CCBE1: variants seen among roughly 807,000 people sequenced by gnomAD.
The protein encoded by CCBE1 is collagen and calcium-binding EGF domain-containing protein 1.
A neutral mutation model predicts 50.0 loss-of-function variants in CCBE1; 37 were observed. The ratio of observed to expected loss-of-function variants is 0.74; its 90% confidence interval spans 0.57 to 0.97. The LOEUF (loss-of-function observed/expected upper bound fraction) is 0.97, where lower values mean the gene tolerates loss of function less well. CCBE1 is among the 50% of genes least tolerant of loss of function. The pLI, the probability that CCBE1 is intolerant of heterozygous loss-of-function variation, is 0.00. For missense variants in CCBE1, 538 were observed against 523.8 expected, an observed-to-expected ratio of 1.03 and a Z score of -0.26; for synonymous variants, 234 against 203.7, an observed-to-expected ratio of 1.15 and a Z score of -1.27.
In CCBE1 at chr18:59,433,221, C is replaced by T. The variant is rs1910003722; in HGVS notation, c.*2687G>A. 1 of 151,964 alleles carries T rather than the reference C, an allele frequency of 6.6e-6. No homozygotes were observed. The highest frequency in any genetic ancestry group is 2.1e-4 in the South Asian group (1 of 4,810). The allele number at this position is 151,964 out of a possible 1,614,324, so 9.4% of individuals were successfully genotyped here. A position where few individuals can be genotyped will look rare whatever the true frequency, so the allele number is the denominator to read the frequency against. On this transcript the variant is annotated 3_prime_UTR_variant, in exon 11 of 11. Coordinates refer to ENST00000439986, the MANE Select transcript of CCBE1 (RefSeq NM_133459.4). ...TATTCGAAAAGAGGCAGACTGGTTC[C>T]TGGGGTTACTGCCCTTCTAGGGGAA...
chr18:59,458,558 G>A (rs1174439228), intron 5 of CCBE1, among the ~76,000 whole-genome samples: 1 of 152,208 alleles, frequency 6.6e-6, no homozygotes, highest in African/African-American at 2.4e-5. Context: ...ATGTTAGAAC[G>A]TATCTTTAGT....
chr18:59,608,612 G>T (rs1048690933), intron 2 of CCBE1, among the ~76,000 whole-genome samples: 1 of 152,150 alleles, frequency 6.6e-6, no homozygotes, highest in African/African-American at 2.4e-5. Flanking sequence ...ACTCAAGAGA[G>T]GTAAGAATTT....
rs1174306749 is a variant in CCBE1 at position 59,434,079 on chromosome 18, A to C, written c.*1829T>G. On this transcript the variant is annotated 3_prime_UTR_variant, in exon 11 of 11. Coordinates refer to ENST00000439986, the MANE Select transcript of CCBE1 (RefSeq NM_133459.4). ...TAATTTTTGTATTTTTAGTAGAGACAGGGTTTCACCATGTTGGTCAGGCTG... is the reference window on the plus strand; with the variant it reads ...TAATTTTTGTATTTTTAGTAGAGACCGGGTTTCACCATGTTGGTCAGGCTG... 1 of 148,232 alleles carries C rather than the reference A, an allele frequency of 6.7e-6. No individual in the cohort carries two copies. Among genetic ancestry groups the C allele is most frequent in the Admixed American group, 6.8e-5 (1 of 14,800 alleles). 9.2% of individuals were successfully genotyped at this position (148,232 alleles called of 1,614,324 possible). A position where few individuals can be genotyped will look rare whatever the true frequency, so the allele number is the denominator to read the frequency against.
At chr18:59,482,178 G>C (rs1912602764) in intron 2 of CCBE1, among the ~76,000 whole-genome samples, 1 of 152,166 alleles carries the variant, frequency 6.6e-6, no homozygotes, top group South Asian at 2.1e-4. Context: ...GCTGAGTGAT[G>C]GTTTCCACTT....
At chr18:59,609,439 G>A (rs911528384) in intron 2 of CCBE1, among the ~76,000 whole-genome samples, 2 of 152,088 alleles carry the variant, frequency 1.3e-5, no homozygotes, top group Non-Finnish European at 2.9e-5. Flanking sequence ...CTAGGTTTTC[G>A]ACATGCTACA....
intron 2 of CCBE1, among the ~76,000 whole-genome samples, chr18:59,625,338 G>A (rs921972453): frequency 1.2e-4 from 18 of 151,532 alleles, no homozygotes; most frequent in African/African-American, 3.9e-4. Context: ...GGCTGAGGCA[G>A]GAGAATGGTG....
chr18:59,689,109 G>T (rs2054695295), intron 2 of CCBE1, among the ~76,000 whole-genome samples: 1 of 152,206 alleles, frequency 6.6e-6, no homozygotes, highest in Non-Finnish European at 1.5e-5. Context: ...AACAAGCCAT[G>T]GGCCCTAGTT....
intron 4 of CCBE1, 89 bp downstream of exon 4, chr18:59,469,384 G>A (rs887828338): frequency 1.3e-6 from 2 of 1,539,180 alleles, no homozygotes; most frequent in East Asian, 2.2e-5. Context: ...CATCCAACAA[G>A]TATGAGAACT....
At position 59,480,042 on chromosome 18, in the gene CCBE1, A is replaced by C. The variant is rs1912492707; in HGVS notation, c.265+144T>G. On this transcript the variant is annotated intron_variant, in intron 3 of 10. Transcript: ENST00000439986. ...ATATAACAAAATTGGCGTCAGAAAA[A>C]TTTGATGCCAAAAAATATACACAGA... is the stretch of plus-strand genomic sequence containing the variant. The C allele has an allele frequency of 4.7e-6, 3 of 634,302 alleles. No individual in the cohort carries two copies. The South Asian group carries it at 6.5e-5, about 14-fold the overall frequency. The allele number at this position is 634,302 out of a possible 1,614,324, so 39.3% of individuals were successfully genotyped here.
At chr18:59,473,205 T>C (rs8090589) in intron 3 of CCBE1, among the ~76,000 whole-genome samples, 39,215 of 152,098 alleles carry the variant, frequency 0.26, 5,608 homozygotes, top group African/African-American at 0.37. Context: ...GTCTAAAATA[T>C]ACTTTATCAA....
At chr18:59,614,032 GGA>G (rs1486325866) in intron 2 of CCBE1, among the ~76,000 whole-genome samples, 1 of 151,944 alleles carries the variant, frequency 6.6e-6, no homozygotes, top group Non-Finnish European at 1.5e-5. Context: ...CACTTGAGGT[GGA>G]GTCTCGCTCT....
chr18:59,541,884 A>G (rs950865948), intron 2 of CCBE1, among the ~76,000 whole-genome samples: 22 of 152,070 alleles, frequency 1.4e-4, no homozygotes, highest in Admixed American at 6.6e-5. Context: ...ATTAAAAAAA[A>G]AAATCTTTGT....
chr18:59,543,855 A>C (rs1470153846), intron 2 of CCBE1, among the ~76,000 whole-genome samples: 1 of 150,168 alleles, frequency 6.7e-6, no homozygotes, highest in Admixed American at 6.6e-5. Context: ...AAAAAAAAAA[A>C]AAACAGAAAA....
chr18:59,458,856 G>A (rs1381176132), intron 5 of CCBE1, among the ~76,000 whole-genome samples: 2 of 152,240 alleles, frequency 1.3e-5, no homozygotes, highest in Non-Finnish European at 2.9e-5. Context: ...AGTGAACCAA[G>A]ATTAACATTA....
At position 59,536,154 on chromosome 18, in the gene CCBE1, G is replaced by T. The variant is rs553922338; in HGVS notation, c.213-55916C>A. ...CCATAATAGGTTTTGAGTCTAGAGAGATAGGAATCTCAATTCTAGCTCTTA... is the reference window on the plus strand; with the variant it reads ...CCATAATAGGTTTTGAGTCTAGAGATATAGGAATCTCAATTCTAGCTCTTA... On this transcript the variant is annotated intron_variant, in intron 2 of 10. Transcript: ENST00000439986. Among the ~76,000 whole-genome samples the T allele has an allele frequency of 5.3e-5, 8 of 152,344 alleles. No individual in the cohort carries two copies. In the East Asian group the frequency reaches 1.5e-3, roughly 29 times the overall value.
intron 2 of CCBE1, among the ~76,000 whole-genome samples, chr18:59,598,441 T>C (rs1453793636): frequency 1.3e-5 from 2 of 152,168 alleles, no homozygotes; most frequent in African/African-American, 4.8e-5. Context: ...CAGGTTTCAC[T>C]TGAGTGCAGA....
At chr18:59,655,865 G>A (rs1478397536) in intron 2 of CCBE1, among the ~76,000 whole-genome samples, 2 of 152,218 alleles carry the variant, frequency 1.3e-5, no homozygotes, top group African/African-American at 4.8e-5. Flanking sequence ...CCATCTGAAT[G>A]CACTAGAAGT....
intron 2 of CCBE1, among the ~76,000 whole-genome samples, chr18:59,676,237 C>T (rs1198919287): frequency 6.6e-6 from 1 of 152,170 alleles, no homozygotes; most frequent in Admixed American, 6.5e-5. Context: ...TTGGAAAAAG[C>T]TTCTCTTTGG....
chr18:59,566,310 T>C (rs2052825992), intron 2 of CCBE1, among the ~76,000 whole-genome samples: 1 of 152,228 alleles, frequency 6.6e-6, no homozygotes, highest in Non-Finnish European at 1.5e-5. Context: ...TTGTCTCTTG[T>C]GACCATCTTT....
Sources: gnomAD v4.1 joint callset for allele counts (sites outside exome capture counted in the v4.1 genomes callset) on GRCh38, gnomAD v4.1.1 for gene constraint, MANE v1.5 for transcripts, NCBI Gene and HGNC (gene_info 2026-07-23, HGNC 2026-07-21) for gene names.